WWOX: variants seen among roughly 807,000 people sequenced by gnomAD.
WWOX encodes WW domain-containing oxidoreductase.
WWOX carries 69 observed loss-of-function variants against 46.2 expected under a neutral mutation model. That is an observed-to-expected ratio of 1.49 (90% CI 1.23 to 1.82). WWOX has a LOEUF of 1.82. Ranked by LOEUF, WWOX falls within the 40% of genes most tolerant of loss-of-function variation. The pLI, the probability that WWOX is intolerant of heterozygous loss-of-function variation, is 0.00. For missense variants in WWOX, 919 were observed against 542.6 expected (o/e 1.69, Z -6.89); for synonymous variants, 359 against 202.6 (o/e 1.77, Z -6.56).
At chr16:78,779,287 G>T (rs915291975) in intron 8 of WWOX, among the ~76,000 whole-genome samples, 4 of 152,096 alleles carry the variant, frequency 2.6e-5, no homozygotes, top group African/African-American at 9.7e-5. Flanking sequence ...TGGGACTACA[G>T]GTGCATGCCA....
intron 5 of WWOX, among the ~76,000 whole-genome samples, chr16:78,233,547 G>T (rs1357265012): frequency 2.0e-5 from 2 of 101,770 alleles, no homozygotes; most frequent in Non-Finnish European, 3.9e-5. Context: ...TTTTTTTTGA[G>T]ATGGAGTCTT....
chr16:78,728,776 A>G (rs1051463490), intron 8 of WWOX, among the ~76,000 whole-genome samples: 9 of 152,262 alleles, frequency 5.9e-5, no homozygotes, highest in African/African-American at 2.2e-4. Flanking sequence ...GAGTTAAGTG[A>G]CATTGTGTCC....
intron 8 of WWOX, among the ~76,000 whole-genome samples, chr16:78,634,729 T>C (rs2046522911): frequency 6.8e-6 from 1 of 147,044 alleles, no homozygotes; most frequent in Non-Finnish European, 1.5e-5. Flanking sequence ...AAAAAAGTTC[T>C]AAATCAGTGG....
chr16:78,149,315 A>G (rs1473890800), intron 4 of WWOX, among the ~76,000 whole-genome samples: 1 of 152,232 alleles, frequency 6.6e-6, no homozygotes, highest in Non-Finnish European at 1.5e-5. Flanking sequence ...AATTAAGTCT[A>G]TAATTGTAAA....
At chr16:78,951,934 T>TA (rs1395699271) in intron 8 of WWOX, among the ~76,000 whole-genome samples, 1 of 152,204 alleles carries the variant, frequency 6.6e-6, no homozygotes, top group Admixed American at 6.5e-5. Flanking sequence ...CCTTCCATAA[T>TA]ATTTTTAAAC....
intron 8 of WWOX, among the ~76,000 whole-genome samples, chr16:78,662,911 G>T (rs1300512158): frequency 6.6e-6 from 1 of 152,162 alleles, no homozygotes. Flanking sequence ...GTGAGAAGGT[G>T]AGAGTGCAAG....
At chr16:78,507,183 A>G (rs2085229553) in intron 8 of WWOX, among the ~76,000 whole-genome samples, 1 of 152,350 alleles carries the variant, frequency 6.6e-6, no homozygotes, top group Middle Eastern at 3.4e-3. Flanking sequence ...TTGAGGAGAC[A>G]GAACATGAGT....
At chr16:78,878,741 T>A (rs1428037291) in intron 8 of WWOX, among the ~76,000 whole-genome samples, 1 of 152,012 alleles carries the variant, frequency 6.6e-6, no homozygotes, top group Non-Finnish European at 1.5e-5. Flanking sequence ...ATCCTGACAA[T>A]GTTAGTGAAG....
At chr16:78,636,052 G>T (rs1221278720) in intron 8 of WWOX, among the ~76,000 whole-genome samples, 1 of 152,136 alleles carries the variant, frequency 6.6e-6, no homozygotes. Flanking sequence ...GCGGAACACT[G>T]CCTGTGTTTT....
At chr16:78,679,980 C>T (rs1342613762) in intron 8 of WWOX, among the ~76,000 whole-genome samples, 3 of 152,230 alleles carry the variant, frequency 2.0e-5, no homozygotes, top group Non-Finnish European at 2.9e-5. Flanking sequence ...CTTAGGACCC[C>T]AGCCCTACCA....
At chr16:78,389,343 C>A in intron 6 of WWOX, among the ~76,000 whole-genome samples, 1 of 152,322 alleles carries the variant, frequency 6.6e-6, no homozygotes, top group Non-Finnish European at 1.5e-5. Flanking sequence ...CCCAGACATT[C>A]TTCTGGGCTC....
At chr16:78,437,179 G>C (rs74030241) in intron 8 of WWOX, among the ~76,000 whole-genome samples, 1,776 of 152,282 alleles carry the variant, frequency 0.012, 30 homozygotes, top group African/African-American at 0.04. Flanking sequence ...CTCTGTAGCT[G>C]GCTCCCTTAA....
At chr16:78,468,871 G>T (rs1262847526) in intron 8 of WWOX, among the ~76,000 whole-genome samples, 1 of 152,126 alleles carries the variant, frequency 6.6e-6, no homozygotes, top group African/African-American at 2.4e-5. Flanking sequence ...TTCTTTGGGG[G>T]AAGCTAACAT....
In WWOX at chr16:79,139,041, G is replaced by A. The variant is rs549493827; in HGVS notation, c.1057-72567G>A. On this transcript the variant is annotated intron_variant, in intron 8 of 8. Coordinates refer to ENST00000566780, the MANE Select transcript of WWOX (RefSeq NM_016373.4). ...AAATATTACAGAAACTGCCCTGAAC[G>A]AAGATAGATGGTCCCCCCTCAGCGT... 2.7e-3 allele frequency among the ~76,000 whole-genome samples: 405 copies of A among 152,220 alleles called. 2 individuals are homozygous for A. The highest frequency in any genetic ancestry group is 9.2e-3 in the African/African-American group (381 of 41,536).
At chr16:78,897,562 A>G (rs1401213994) in intron 8 of WWOX, 2 of 152,182 alleles carry the variant, frequency 1.3e-5, no homozygotes, top group South Asian at 4.1e-4. Flanking sequence ...CAATTCGCTT[A>G]TCTGTGCACC....
At chr16:79,141,803 G>A (rs7192765) in intron 8 of WWOX, among the ~76,000 whole-genome samples, 1,545 of 151,998 alleles carry the variant, frequency 0.01, 27 homozygotes, top group African/African-American at 0.035. Flanking sequence ...TGATAAGCCC[G>A]TCTAGCACGG....
chr16:78,927,895 C>T (rs1176916091), intron 8 of WWOX, among the ~76,000 whole-genome samples: 1 of 152,138 alleles, frequency 6.6e-6, no homozygotes, highest in Non-Finnish European at 1.5e-5. Flanking sequence ...TTTACCCAGA[C>T]ACTTACATAT....
intron 4 of WWOX, among the ~76,000 whole-genome samples, chr16:78,140,295 A>C (rs1399009915): frequency 1.3e-5 from 2 of 152,178 alleles, no homozygotes; most frequent in Non-Finnish European, 2.9e-5. Context: ...CCTTAAAGTT[A>C]AAAGGCTCTC....
intron 8 of WWOX, among the ~76,000 whole-genome samples, chr16:78,811,333 A>G (rs1658150078): frequency 6.6e-6 from 1 of 152,058 alleles, no homozygotes; most frequent in Non-Finnish European, 1.5e-5. Context: ...CACTTCGGGG[A>G]ATTATATCTA....
Sources: gnomAD v4.1 joint callset for allele counts (sites outside exome capture counted in the v4.1 genomes callset) on GRCh38, gnomAD v4.1.1 for gene constraint, MANE v1.5 for transcripts, NCBI Gene and HGNC (gene_info 2026-07-23, HGNC 2026-07-21) for gene names.